The following UBQLN4 variants were observed in gnomAD, a reference collection of about 807,000 sequenced individuals.
UBQLN4 encodes the protein ubiquilin 4.
UBQLN4 carries 11 observed loss-of-function variants against 60.4 expected under a neutral mutation model. That is an observed-to-expected ratio of 0.18 (90% CI 0.11 to 0.30). The LOEUF (loss-of-function observed/expected upper bound fraction) is 0.30. Ranked by LOEUF, UBQLN4 falls within the 10% of genes least tolerant of loss-of-function variation. UBQLN4 has a pLI of 1.00. For synonymous variants in UBQLN4, 258 were observed against 313.1 expected (o/e 0.82, Z 1.86); for missense variants, 417 against 795.5 (o/e 0.52, Z 5.72).
Position 156,048,790 on chromosome 1 carries a change from A to AG in UBQLN4, c.742-132dup, listed in dbSNP as rs35099869. ...GGCCCAGGAACTGCCCCACAGTGAC[A>AG]GGGAGTAGAGTAAACTGGACTTCCT... On this transcript the variant is annotated intron_variant, in intron 4 of 10. Coordinates refer to ENST00000368309, the MANE Select transcript of UBQLN4 (RefSeq NM_020131.5). The surrounding 1 kb of genome is among the most constrained non-coding windows in gnomAD (Gnocchi z 4.9). 1.0e-6 allele frequency: 1 copy of AG among 997,264 alleles called. No homozygotes were observed. Among genetic ancestry groups the AG allele is most frequent in the East Asian group, 2.6e-5 (1 of 37,952 alleles). 61.8% of individuals were successfully genotyped at this position (997,264 alleles called of 1,614,324 possible).
chr1:156,046,075 A>G (rs1572276206), intron 5 of UBQLN4, among the ~76,000 whole-genome samples: 1 of 151,430 alleles, frequency 6.6e-6, no homozygotes, highest in Non-Finnish European at 1.5e-5. Context: ...CAAACTCCTG[A>G]CCTCAGGTGA....
intron 7 of UBQLN4, 69 bp downstream of exon 7, chr1:156,042,705 C>A: frequency 1.3e-6 from 2 of 1,580,490 alleles, no homozygotes; most frequent in Admixed American, 1.8e-5. Context: ...GTGTTTTGAC[C>A]ACAAGAAACT....
In UBQLN4 at chr1:156,035,349, G is replaced by T. The variant is rs1683374253; in HGVS notation, c.*1629C>A. 1.0e-6 allele frequency: 1 copy of T among 985,356 alleles called. No homozygotes were observed. The allele number at this position is 985,356 out of a possible 1,614,324, so 61.0% of individuals were successfully genotyped here. ...ATTTACAAAGGCCAGTGTGGGAGCT[G>T]GGGGAGGCAGGGAGGGAAAGCCACA... On this transcript the variant is annotated 3_prime_UTR_variant, in exon 11 of 11. Coordinates refer to ENST00000368309, the MANE Select transcript of UBQLN4 (RefSeq NM_020131.5).
At chr1:156,034,603 A>G (rs191627525), downstream of UBQLN4, among the ~76,000 whole-genome samples, 54 of 150,734 alleles carry the variant, frequency 3.6e-4, no homozygotes, top group African/African-American at 1.2e-3. Flanking sequence ...GCCTTGTTTT[A>G]CTTTTTAACC....
rs1158180492 is a variant in UBQLN4 at position 156,041,720 on chromosome 1, A to G, written c.1467-49T>C. 4 of 1,471,536 alleles carry G rather than the reference A, an allele frequency of 2.7e-6. No individual in the cohort carries two copies. In the South Asian group the frequency reaches 5.7e-5, roughly 21 times the overall value. 91.2% of individuals were successfully genotyped at this position (1,471,536 alleles called of 1,614,324 possible). Reference sequence around the variant, plus strand: ...GTAGGAGATGGCATCCAAGAAAGGGATGAGAATGTGAGATCCAGAAGGAAA... The same window carrying G: ...GTAGGAGATGGCATCCAAGAAAGGGGTGAGAATGTGAGATCCAGAAGGAAA... On this transcript the variant is annotated intron_variant, in intron 9 of 10. Transcript: ENST00000368309.
At chr1:156,042,463 G>C (rs1572273006) in intron 7 of UBQLN4, 1 of 1,381,718 alleles carries the variant, frequency 7.2e-7, no homozygotes, top group Non-Finnish European at 9.4e-7. Context: ...TGGGTCTGAT[G>C]ATGATGAGGA....
At chr1:156,040,390 A>C (rs906719719) in intron 10 of UBQLN4, among the ~76,000 whole-genome samples, 2 of 151,932 alleles carry the variant, frequency 1.3e-5, no homozygotes, top group Non-Finnish European at 2.9e-5. Flanking sequence ...CAAAAAAAAA[A>C]AAAGAAAGCC....
downstream of UBQLN4, among the ~76,000 whole-genome samples, chr1:156,032,906 T>C (rs1683319785): frequency 6.6e-6 from 1 of 151,604 alleles, no homozygotes; most frequent in Non-Finnish European, 1.5e-5. Flanking sequence ...AAAAATGAGG[T>C]GAAAGAGGAA....
At chr1:156,032,579 T>TA (rs1469239749), downstream of UBQLN4, among the ~76,000 whole-genome samples, 2 of 151,810 alleles carry the variant, frequency 1.3e-5, no homozygotes, top group East Asian at 2.0e-4. Context: ...CCTTTGCAGA[T>TA]ACTGCTTTGT....
rs76912290 is a variant in UBQLN4, at chr1:156,047,995, G to A, written c.900+506C>T. Among the ~76,000 whole-genome samples, 12 of 151,860 alleles carry A rather than the reference G, an allele frequency of 7.9e-5. No homozygotes were observed. The East Asian group carries it at 2.3e-3, about 29-fold the overall frequency. On this transcript the variant is annotated intron_variant, in intron 5 of 10. Coordinates refer to ENST00000368309, the MANE Select transcript of UBQLN4 (RefSeq NM_020131.5). ...TTGATTAAAAACAAAAAAAAAGAATGTTACATTTTTATCTATTTTTTTGTG... is the reference window on the plus strand; with the variant it reads ...TTGATTAAAAACAAAAAAAAAGAATATTACATTTTTATCTATTTTTTTGTG...
At chr1:156,032,733 C>T (rs1683317158), downstream of UBQLN4, among the ~76,000 whole-genome samples, 2 of 152,122 alleles carry the variant, frequency 1.3e-5, no homozygotes, top group Admixed American at 6.6e-5. Flanking sequence ...TGCGGCACTT[C>T]GCCTCTCCGC....
chr1:156,039,883 G>A (rs967633835), intron 10 of UBQLN4, among the ~76,000 whole-genome samples: 4 of 136,954 alleles, frequency 2.9e-5, no homozygotes, highest in African/African-American at 8.1e-5. Context: ...CTTGCAGTGA[G>A]CTGAGATCCG....
chr1:156,049,049 G>C (rs1040580546), intron 4 of UBQLN4, among the ~76,000 whole-genome samples: 1 of 152,200 alleles, frequency 6.6e-6, no homozygotes, highest in African/African-American at 2.4e-5. Context: ...TACTGTATAT[G>C]GGCACAGGGC....
At chr1:156,040,996 C>T (rs12735992) in intron 10 of UBQLN4, among the ~76,000 whole-genome samples, 14,302 of 152,184 alleles carry the variant, frequency 0.094, 747 homozygotes, top group Middle Eastern at 0.21. Context: ...CCCAGAGTCT[C>T]AGAGATGGGG....
At position 156,050,261 on chromosome 1, in the gene UBQLN4, C is replaced by A. The variant is rs1387680974; in HGVS notation, c.741+30G>T. On this transcript the variant is annotated intron_variant, in intron 4 of 10. Transcript: ENST00000368309. The surrounding 1 kb of genome is among the most constrained non-coding windows in gnomAD (Gnocchi z 4.6). Reference sequence around the variant, plus strand: ...GCAGGGCACGGCTGGGCACCAGTGTCCTCCAGCTCTCCAGCCCTCTCATAC... The same window carrying A: ...GCAGGGCACGGCTGGGCACCAGTGTACTCCAGCTCTCCAGCCCTCTCATAC... 6.5e-7 allele frequency: 1 copy of A among 1,531,980 alleles called. No homozygotes were observed. The highest frequency in any genetic ancestry group is 1.4e-5 in the African/African-American group (1 of 72,880). The allele number at this position is 1,531,980 out of a possible 1,614,324, so 94.9% of individuals were successfully genotyped here. A position where few individuals can be genotyped will look rare whatever the true frequency, so the allele number is the denominator to read the frequency against.
downstream of UBQLN4, among the ~76,000 whole-genome samples, chr1:156,034,825 C>CTATATATATATATATA (rs34720108): frequency 6.5e-4 from 30 of 46,378 alleles, no homozygotes; most frequent in Non-Finnish European, 8.6e-4. Context: ...CCTTAACCTT[C>CTATATATATATATATA]TATATATATA....
chr1:156,050,317 G>C lies in UBQLN4; in HGVS notation c.715C>G (p.Leu239Val). Reference sequence around the variant, plus strand: ...TGCCTCATGAGTTCAGGGTTATTGAGCATGTGGCTGATCTCAGGGTTCCGC... The same window carrying C: ...TGCCTCATGAGTTCAGGGTTATTGACCATGTGGCTGATCTCAGGGTTCCGC... ...MERNPEISHM[L>V]NNPELMRQTM... is the part of the protein sequence containing the mutation. Residue 239 changes from leucine (L) to valine (V), a missense_variant, in exon 4 of 11, where the codon CTC becomes GTC. By Grantham distance (32) the Leu-to-Val change is conservative. Coordinates refer to ENST00000368309, the MANE Select transcript of UBQLN4 (RefSeq NM_020131.5). The surrounding 1 kb of genome is among the most constrained non-coding windows in gnomAD (Gnocchi z 4.6). The C allele has an allele frequency of 6.3e-7, 1 of 1,595,936 alleles. No homozygotes were observed.
chr1:156,041,209 T>A (rs903272092), intron 10 of UBQLN4, among the ~76,000 whole-genome samples: 2 of 152,174 alleles, frequency 1.3e-5, no homozygotes, highest in Non-Finnish European at 2.9e-5. Flanking sequence ...GAGGCTATTG[T>A]GAGGAATGTG....
At chr1:156,046,010 TAA>T (rs1683688600) in intron 5 of UBQLN4, among the ~76,000 whole-genome samples, 1 of 151,754 alleles carries the variant, frequency 6.6e-6, no homozygotes, top group Non-Finnish European at 1.5e-5. Flanking sequence ...CACACCTGGC[TAA>T]GTTTTGTATT....
Sources: allele counts gnomAD v4.1 joint callset (sites outside exome capture counted in the v4.1 genomes callset), GRCh38; gene constraint gnomAD v4.1.1; non-coding constraint Gnocchi (gnomAD v3.1); transcripts MANE v1.5; gene names NCBI Gene and HGNC (gene_info 2026-07-23, HGNC 2026-07-21).